The following ADARB2 variants were observed in gnomAD, a reference collection of about 807,000 sequenced individuals.
ADARB2 encodes the protein adenosine deaminase RNA specific B2 (inactive).
In ADARB2, 25 loss-of-function variants were observed where a neutral mutation model predicts 62.2. That is an observed-to-expected ratio of 0.40 (90% CI 0.29 to 0.56). The LOEUF (loss-of-function observed/expected upper bound fraction) is 0.56. Among genes scored for constraint, ADARB2 ranks in the 20% least tolerant of loss-of-function variants. The pLI is 0.43. For synonymous variants in ADARB2, 572 were observed against 500.8 expected (o/e 1.14, Z -1.90); for missense variants, 1,071 against 1,077.4 (o/e 0.99, Z 0.08).
intron 1 of ADARB2, among the ~76,000 whole-genome samples, chr10:1,639,937 T>C (rs920948633): frequency 5.3e-5 from 8 of 152,114 alleles, no homozygotes; most frequent in Non-Finnish European, 1.2e-4. Flanking sequence ...AGCCATGACC[T>C]GCCCTTCTAA....
intron 1 of ADARB2, among the ~76,000 whole-genome samples, chr10:1,549,302 C>T (rs1246442929): frequency 6.6e-6 from 1 of 152,104 alleles, no homozygotes; most frequent in Non-Finnish European, 1.5e-5. Flanking sequence ...AGCAGGCAAA[C>T]AAGTTTCCTC....
chr10:1,392,661 A>T (rs1167445494), intron 1 of ADARB2, among the ~76,000 whole-genome samples: 1 of 152,176 alleles, frequency 6.6e-6, no homozygotes, highest in Non-Finnish European at 1.5e-5. Context: ...TATGAACAAC[A>T]CAGGGAGCTC....
At position 1,327,519 on chromosome 10, in the gene ADARB2, ATGGCACAG is replaced by A. The variant is rs1831878851; in HGVS notation, c.1077+35501_1077+35508del. The stretch of plus-strand genomic sequence containing the variant: ...CCTCCTCACTGCCCAGCGCCTCCCC[ATGGCACAG>A]CGCCTCCTCACTGCCCAGCGCCTCC... On this transcript the variant is annotated intron_variant, in intron 3 of 9. Coordinates refer to ENST00000381312, the MANE Select transcript of ADARB2 (RefSeq NM_018702.4). Among the ~76,000 whole-genome samples, 5 of 61,050 alleles carry A rather than the reference ATGGCACAG, an allele frequency of 8.2e-5. 2 individuals carry two copies. Among genetic ancestry groups the A allele is most frequent in the African/African-American group, 3.4e-4 (5 of 14,820 alleles). 40.1% of individuals were successfully genotyped at this position (61,050 alleles called of 152,430 possible). A position where few individuals can be genotyped will look rare whatever the true frequency, so the allele number is the denominator to read the frequency against.
At chr10:1,404,677 C>T (rs1172348502) in intron 1 of ADARB2, among the ~76,000 whole-genome samples, 8 of 152,156 alleles carry the variant, frequency 5.3e-5, no homozygotes, top group African/African-American at 1.9e-4. Context: ...TAAAGCTGCT[C>T]AGAGACCTGT....
chr10:1,617,795 A>G (rs1055229848), intron 1 of ADARB2, among the ~76,000 whole-genome samples: 2 of 152,102 alleles, frequency 1.3e-5, no homozygotes, highest in African/African-American at 4.8e-5. Context: ...TGAGCTCTGC[A>G]TCCTGGGAAC....
intron 1 of ADARB2, among the ~76,000 whole-genome samples, chr10:1,478,888 G>A (rs1359200491): frequency 1.3e-5 from 2 of 152,168 alleles, no homozygotes; most frequent in African/African-American, 4.8e-5. Context: ...ATGGGAGAGT[G>A]CCAAAATGGG....
Position 1,369,444 on chromosome 10 carries a change from C to T in ADARB2, c.188-5527G>A, listed in dbSNP as rs930062152. Among the ~76,000 whole-genome samples the T allele has an allele frequency of 5.3e-5, 8 of 152,190 alleles. No individual in the cohort carries two copies. The South Asian group carries it at 1.7e-3, about 32-fold the overall frequency. On this transcript the variant is annotated intron_variant, in intron 2 of 9. Transcript: ENST00000381312. ...CTTCATGCTGCCCTGTGGAAGTTAC[C>T]CCCTGGATTGTGTCCCAAACCCCTC... is the stretch of plus-strand genomic sequence containing the variant.
intron 7 of ADARB2, among the ~76,000 whole-genome samples, chr10:1,212,028 G>T (rs983046343): frequency 1.5e-4 from 23 of 152,164 alleles, no homozygotes; most frequent in African/African-American, 5.3e-4. Context: ...CTCACGTGAG[G>T]TCATTTCCAC....
chr10:1,421,113 C>CAGGATGGTGGGGGCACCGGCTGG (rs1203400686), intron 1 of ADARB2, among the ~76,000 whole-genome samples: 3 of 151,970 alleles, frequency 2.0e-5, no homozygotes, highest in African/African-American at 7.3e-5. Flanking sequence ...GTCAGGTCCC[C>CAGGATGGTGGGGGCACCGGCTGG]AGGATGGTGG....
intron 4 of ADARB2, among the ~76,000 whole-genome samples, chr10:1,257,727 G>A (rs1296729799): frequency 6.6e-6 from 1 of 152,202 alleles, no homozygotes; most frequent in Non-Finnish European, 1.5e-5. Context: ...TGTGTTTCTT[G>A]GTGTGAATTA....
At chr10:1,643,742 GTTTTTTTCT>G (rs1274490751) in intron 1 of ADARB2, among the ~76,000 whole-genome samples, 2 of 152,092 alleles carry the variant, frequency 1.3e-5, no homozygotes, top group Admixed American at 6.5e-5. Flanking sequence ...CCAAAATCAA[GTTTTTTTCT>G]TTTTTTTCTG....
chr10:1,600,095 A>G (rs1413673908), intron 1 of ADARB2, among the ~76,000 whole-genome samples: 1 of 152,148 alleles, frequency 6.6e-6, no homozygotes, highest in Admixed American at 6.5e-5. Flanking sequence ...AAAAGTCATG[A>G]GGACTCCACG....
At chr10:1,474,819 G>C (rs2131919721) in intron 1 of ADARB2, among the ~76,000 whole-genome samples, 1 of 152,314 alleles carries the variant, frequency 6.6e-6, no homozygotes, top group South Asian at 2.1e-4. Flanking sequence ...GCCTGTGTAA[G>C]AGTGCTGAGC....
intron 6 of ADARB2, 116 bp from the exon 7 acceptor site, chr10:1,217,235 G>T: frequency 9.3e-7 from 1 of 1,071,506 alleles, no homozygotes; most frequent in Non-Finnish European, 1.3e-6. Context: ...ATGGCTGGGC[G>T]TTTGGCACGA....
At chr10:1,581,604 C>T (rs995226878) in intron 1 of ADARB2, among the ~76,000 whole-genome samples, 1 of 152,188 alleles carries the variant, frequency 6.6e-6, no homozygotes, top group Non-Finnish European at 1.5e-5. Flanking sequence ...TGATACTACT[C>T]ACCTCATGGA....
chr10:1,217,424 C>T (rs551280185), intron 6 of ADARB2, among the ~76,000 whole-genome samples: 8 of 152,336 alleles, frequency 5.3e-5, no homozygotes, highest in South Asian at 2.1e-4. Flanking sequence ...CGGCCTGGAC[C>T]GTGCTCAGGC....
At chr10:1,631,837 T>C (rs1396642571) in intron 1 of ADARB2, among the ~76,000 whole-genome samples, 4 of 152,218 alleles carry the variant, frequency 2.6e-5, no homozygotes, top group African/African-American at 9.6e-5. Flanking sequence ...ATTATTGTAG[T>C]TATTCTGGAA....
In ADARB2 at chr10:1,206,450, TCTC is replaced by T. The variant is rs1459480035; in HGVS notation, c.1683-6306_1683-6304del. Among the ~76,000 whole-genome samples, 7 of 148,088 alleles carry T rather than the reference TCTC, an allele frequency of 4.7e-5. No homozygotes were observed. In the South Asian group the frequency reaches 8.6e-4, roughly 18 times the overall value. ...TGGGGCGTCTCCTCCAACTGGGGCG[TCTC>T]CTCCTCGTGCCTGTGCGTCTGAGAG... On this transcript the variant is annotated intron_variant, in intron 7 of 9. Coordinates refer to ENST00000381312, the MANE Select transcript of ADARB2 (RefSeq NM_018702.4).
intron 3 of ADARB2, among the ~76,000 whole-genome samples, chr10:1,317,763 G>T (rs984363657): frequency 7.3e-6 from 1 of 136,756 alleles, no homozygotes; most frequent in African/African-American, 2.8e-5. Context: ...GGGGGGGGGT[G>T]GGTCAGTTTG....
Sources: allele counts gnomAD v4.1 joint callset (sites outside exome capture counted in the v4.1 genomes callset), GRCh38; gene constraint gnomAD v4.1.1; transcripts MANE v1.5; gene names NCBI Gene and HGNC (gene_info 2026-07-23, HGNC 2026-07-21).